Variants in ZNF638 observed in about 807,000 individuals in gnomAD.
The protein encoded by ZNF638 is zinc finger protein 638.
A neutral mutation model predicts 195.6 loss-of-function variants in ZNF638; 46 were observed. The observed-to-expected ratio is 0.24, with a 90% CI of 0.19 to 0.30. The LOEUF is 0.30. ZNF638 is among the 10% of genes least tolerant of loss of function. The probability of loss-of-function intolerance (pLI) is 1.00; values close to 1 mark genes in which losing one functional copy is unlikely to be tolerated. For synonymous variants in ZNF638, 845 were observed against 772.0 expected, an observed-to-expected ratio of 1.09 and a Z score of -1.57; for missense variants, 2,440 against 2,325.3, an observed-to-expected ratio of 1.05 and a Z score of -1.01.
At chr2:71,362,193 T>G (rs2079120822) in intron 3 of ZNF638, among the ~76,000 whole-genome samples, 1 of 152,168 alleles carries the variant, frequency 6.6e-6, no homozygotes, top group Non-Finnish European at 1.5e-5. Context: ...TCTTAATCTT[T>G]TATTATTTTT....
At chr2:71,430,596 T>G (rs2080638012) in intron 25 of ZNF638, among the ~76,000 whole-genome samples, 2 of 152,216 alleles carry the variant, frequency 1.3e-5, no homozygotes, top group Admixed American at 1.3e-4. Flanking sequence ...CTCTTTTGAT[T>G]GTGCTTTCTC....
At chr2:71,431,632 C>T (rs929368114) in intron 26 of ZNF638, among the ~76,000 whole-genome samples, 1 of 151,968 alleles carries the variant, frequency 6.6e-6, no homozygotes, top group African/African-American at 2.4e-5. Flanking sequence ...TGGTGGCGGG[C>T]GCCTGTAGTC....
intron 10 of ZNF638, chr2:71,393,773 C>G (rs2079837720): frequency 9.6e-6 from 6 of 621,912 alleles, no homozygotes; most frequent in Admixed American, 2.5e-5. Context: ...GCAGGCACCC[C>G]CTTCCCAGCC....
intron 1 of ZNF638, among the ~76,000 whole-genome samples, chr2:71,335,631 C>T (rs2078652924): frequency 6.6e-6 from 1 of 152,120 alleles, no homozygotes; most frequent in Admixed American, 6.6e-5. Context: ...ATGTGCCTGT[C>T]CAGTTTCAAT....
intron 24 of ZNF638, among the ~76,000 whole-genome samples, chr2:71,428,158 C>A (rs2080578332): frequency 6.6e-6 from 1 of 152,068 alleles, no homozygotes; most frequent in Non-Finnish European, 1.5e-5. Flanking sequence ...TGCCACTGCA[C>A]TCCAACCTTG....
At position 71,431,414 on chromosome 2, in the gene ZNF638, C is replaced by T. The variant is rs1427317112; in HGVS notation, c.5738C>T (p.Ser1913Phe). The change falls in exon 26 of 28, where the codon TCT (serine) becomes TTT (phenylalanine). Residue 1913 changes from serine (S) to phenylalanine (F), a missense_variant. Ser to Phe is a radical substitution (Grantham distance 155). Coordinates refer to ENST00000264447, the MANE Select transcript of ZNF638 (RefSeq NM_014497.5). ...EDSSSGKSVA[S>F]DVPEELDFLV... Reference sequence around the variant, plus strand: ...TCTTCTTCAGGCAAATCAGTGGCGTCTGATGTCCCTGAGGGTAAAGTTAAA... The same window carrying T: ...TCTTCTTCAGGCAAATCAGTGGCGTTTGATGTCCCTGAGGGTAAAGTTAAA... 6.2e-7 allele frequency: 1 copy of T among 1,613,536 alleles called. No individual in the cohort carries two copies. Among genetic ancestry groups the T allele is most frequent in the East Asian group, 2.2e-5 (1 of 44,874 alleles).
At chr2:71,335,903 A>G (rs902373235) in intron 1 of ZNF638, among the ~76,000 whole-genome samples, 2 of 152,196 alleles carry the variant, frequency 1.3e-5, no homozygotes, top group Non-Finnish European at 2.9e-5. Flanking sequence ...GATCCAACTA[A>G]TGTTCATAAT....
At chr2:71,410,171 T>C (rs1413191935) in intron 20 of ZNF638, among the ~76,000 whole-genome samples, 1 of 152,190 alleles carries the variant, frequency 6.6e-6, no homozygotes, top group Non-Finnish European at 1.5e-5. Flanking sequence ...TTCTTTAAAC[T>C]AGTTTGTTTT....
In ZNF638 at chr2:71,433,291, T is replaced by A. The variant is rs749492750; in HGVS notation, c.5871+8T>A. Reference sequence around the variant, plus strand: ...CATAAGCAAAATACTGAGGTAATTTTAAAAATTCTTACAAAATCTTGAGGT... The same window carrying A: ...CATAAGCAAAATACTGAGGTAATTTAAAAAATTCTTACAAAATCTTGAGGT... On this transcript the variant is annotated splice_region_variant and intron_variant, in intron 27 of 27. Transcript: ENST00000264447. The A allele has an allele frequency of 6.3e-7, 1 of 1,579,900 alleles. No individual in the cohort carries two copies.
At chr2:71,402,195 T>A in intron 16 of ZNF638, 108 bp downstream of exon 16, 1 of 1,192,720 alleles carries the variant, frequency 8.4e-7, no homozygotes, top group Non-Finnish European at 1.1e-6. Context: ...TATCTCAAAG[T>A]AAACTTTCAA....
chr2:71,419,974 C>CCTTTTTTTTT (rs1189202093), intron 21 of ZNF638, among the ~76,000 whole-genome samples: 3 of 27,022 alleles, frequency 1.1e-4, no homozygotes, highest in Non-Finnish European at 1.7e-4. Context: ...CCCCCCCCGC[C>CCTTTTTTTTT]TTTTTTTTTT....
At chr2:71,332,352 C>T (rs371356089) in intron 1 of ZNF638, among the ~76,000 whole-genome samples, 2 of 152,208 alleles carry the variant, frequency 1.3e-5, no homozygotes, top group Non-Finnish European at 2.9e-5. Context: ...TGAGCCGAGC[C>T]CTCTGACCAG....
chr2:71,380,387 G>GTTT (rs2079514945), intron 9 of ZNF638, 107 bp downstream of exon 9: 2 of 1,109,276 alleles, frequency 1.8e-6, no homozygotes, highest in Admixed American at 2.7e-5. Context: ...TATAACTATA[G>GTTT]TTTAAGAGGG....
Position 71,405,516 on chromosome 2 carries a change from T to C in ZNF638, c.2959-85T>C, listed in dbSNP as rs1431437658. On this transcript the variant is annotated intron_variant, in intron 17 of 27. Coordinates refer to ENST00000264447, the MANE Select transcript of ZNF638 (RefSeq NM_014497.5). ...ACTTTGTAATGCATATTTGTATAGA[T>C]TGTCATGTTATAAATCTTAACTAAG... 4.9e-6 allele frequency: 4 copies of C among 824,272 alleles called. No homozygotes were observed. In the East Asian group the frequency reaches 8.1e-5, roughly 17 times the overall value. The allele number at this position is 824,272 out of a possible 1,614,324, so 51.1% of individuals were successfully genotyped here.
At chr2:71,353,405 G>T (rs1240815217) in intron 2 of ZNF638, among the ~76,000 whole-genome samples, 1 of 152,188 alleles carries the variant, frequency 6.6e-6, no homozygotes, top group African/African-American at 2.4e-5. Flanking sequence ...TATATTTTCA[G>T]TTTCATTCTG....
In ZNF638 at chr2:71,406,380, G is replaced by A. The variant is rs186345507; in HGVS notation, c.3135+118G>A. On this transcript the variant is annotated intron_variant, in intron 19 of 27. Coordinates refer to ENST00000264447, the MANE Select transcript of ZNF638 (RefSeq NM_014497.5). The stretch of plus-strand genomic sequence containing the variant: ...CCTGTAAATATTACTCAACCACTTC[G>A]CAGAATTATTATAAACCAGAATATT... 1.6e-5 allele frequency: 14 copies of A among 876,376 alleles called. No homozygotes were observed. The Admixed American group carries it at 2.4e-4, about 15-fold the overall frequency. The allele number at this position is 876,376 out of a possible 1,614,324, so 54.3% of individuals were successfully genotyped here.
At chr2:71,427,850 C>CG (rs138103198) in intron 24 of ZNF638, among the ~76,000 whole-genome samples, 2,932 of 152,198 alleles carry the variant, frequency 0.019, 98 homozygotes, top group African/African-American at 0.067. Flanking sequence ...CAGAATAGTA[C>CG]GGCAGCTCAC....
Position 71,426,568 on chromosome 2 carries a change from G to C in ZNF638, c.4699G>C (p.Glu1567Gln). 1 of 1,614,060 alleles carries C rather than the reference G, an allele frequency of 6.2e-7. No homozygotes were observed. The highest frequency in any genetic ancestry group is 8.5e-7 in the Non-Finnish European group (1 of 1,179,976). ...KQNPLKGKRK[E>Q]TLKNVPFSEL... ...GAATCCACTAAAGGGAAAAAGGAAA[G>C]AAACTCTCAAAAATGTTCCTTTCTC... is the stretch of plus-strand genomic sequence containing the variant. The change falls in exon 24 of 28, where the codon GAA becomes CAA. Residue 1567 changes from glutamate to glutamine, a missense_variant. Glu to Gln is a conservative substitution (Grantham distance 29). Coordinates refer to ENST00000264447, the MANE Select transcript of ZNF638 (RefSeq NM_014497.5).
At chr2:71,336,261 T>TC (rs1337854395) in intron 1 of ZNF638, among the ~76,000 whole-genome samples, 1 of 151,032 alleles carries the variant, frequency 6.6e-6, no homozygotes, top group African/African-American at 2.4e-5. Flanking sequence ...TCCCAGCTAC[T>TC]CGGGAGGCTG....
Sources: allele counts gnomAD v4.1 joint callset (sites outside exome capture counted in the v4.1 genomes callset), GRCh38; gene constraint gnomAD v4.1.1; transcripts MANE v1.5; gene names NCBI Gene and HGNC (gene_info 2026-07-23, HGNC 2026-07-21).